The following CMKLR1 variants were observed in gnomAD, a reference collection of about 807,000 sequenced individuals.
The protein encoded by CMKLR1 is chemerin chemokine-like receptor 1, also known as chemerin-like receptor 1.
CMKLR1 carries 6 observed loss-of-function variants against 8.2 expected under a neutral mutation model. That is an observed-to-expected ratio of 0.73 (90% CI 0.40 to 1.44). CMKLR1 has a LOEUF of 1.44. CMKLR1 is among the 40% of genes most tolerant of loss of function. The pLI is 0.02. For missense variants in CMKLR1, 429 were observed against 478.0 expected (o/e 0.90, Z 0.96); for synonymous variants, 178 against 181.2 (o/e 0.98, Z 0.14).
chr12:108,332,080 G>T (rs1225081453), intron 1 of CMKLR1, among the ~76,000 whole-genome samples: 1 of 152,136 alleles, frequency 6.6e-6, no homozygotes, highest in Non-Finnish European at 1.5e-5. Context: ...CAAAGGATGG[G>T]CATTTGAGTG....
At chr12:108,297,300 T>C (rs1410214306) in intron 2 of CMKLR1, among the ~76,000 whole-genome samples, 1 of 152,214 alleles carries the variant, frequency 6.6e-6, no homozygotes, top group Non-Finnish European at 1.5e-5. Context: ...TTCTCTAGCT[T>C]ACTTGATTGT....
chr12:108,332,276 T>C (rs1216277347), intron 1 of CMKLR1, among the ~76,000 whole-genome samples: 1 of 152,224 alleles, frequency 6.6e-6, no homozygotes, highest in African/African-American at 2.4e-5. Context: ...AAACATGCGG[T>C]GGCTCATGCC....
Position 108,292,962 on chromosome 12 carries a change from G to T in CMKLR1, c.4-3C>A, listed in dbSNP as rs1566017677. The T allele has an allele frequency of 1.9e-6, 3 of 1,600,398 alleles. No individual in the cohort carries two copies. The highest frequency in any genetic ancestry group is 1.7e-6 in the Non-Finnish European group (2 of 1,171,706). ...TTGTAATCTTCATCCTCCATTCTCT[G>T]CAAGAGAAGACAGGGACCATTAGAG... On this transcript the variant is annotated splice_region_variant and splice_polypyrimidine_tract_variant and intron_variant, in intron 3 of 3. Coordinates refer to ENST00000550402, the MANE Select transcript of CMKLR1 (RefSeq NM_001142343.2).
At position 108,292,076 on chromosome 12, in the gene CMKLR1, A is replaced by C. The variant is rs1890988626; in HGVS notation, c.887T>G (p.Leu296Arg). Residue 296 changes from leucine to arginine, a missense_variant, in exon 4 of 4, where the codon CTG becomes CGG. Physicochemically the swap from Leu to Arg is moderately radical, Grantham distance 102 (BLOSUM62 -2). Transcript: ENST00000550402. ...HTAMPGSVFSLGLPLATALAI... is the reference protein window; with the variant it reads ...HTAMPGSVFSRGLPLATALAI... ...AAGGGCAGTGGCCAGGGGCAAACCC[A>C]GGCTGAAGACAGAGCCAGGCATGGC... 1 of 1,614,114 alleles carries C rather than the reference A, an allele frequency of 6.2e-7. No individual in the cohort carries two copies. The highest frequency in any genetic ancestry group is 1.7e-5 in the Admixed American group (1 of 60,010).
chr12:108,317,921 C>A (rs1891771526), intron 2 of CMKLR1: 1 of 152,158 alleles, frequency 6.6e-6, no homozygotes, highest in Non-Finnish European at 1.5e-5. Context: ...GAAATACATT[C>A]TCTTTTCATT....
At chr12:108,310,838 G>A (rs934721424) in intron 2 of CMKLR1, among the ~76,000 whole-genome samples, 2 of 152,158 alleles carry the variant, frequency 1.3e-5, no homozygotes, top group African/African-American at 4.8e-5. Flanking sequence ...TTTCAGCAAG[G>A]CGGGTAGGCA....
chr12:108,301,928 T>G (rs1237510024), intron 2 of CMKLR1, among the ~76,000 whole-genome samples: 1 of 152,152 alleles, frequency 6.6e-6, no homozygotes, highest in Non-Finnish European at 1.5e-5. Context: ...CACAGGCATG[T>G]GTGCTCACAC....
intron 3 of CMKLR1, 146 bp from the exon 4 acceptor site, chr12:108,293,105 T>C: frequency 1.3e-6 from 1 of 753,196 alleles, no homozygotes; most frequent in East Asian, 2.7e-5. Flanking sequence ...CTATTTTATT[T>C]ATTGAACAAA....
intron 2 of CMKLR1, among the ~76,000 whole-genome samples, chr12:108,326,452 G>A (rs1395115910): frequency 6.6e-6 from 1 of 152,188 alleles, no homozygotes; most frequent in Non-Finnish European, 1.5e-5. Context: ...TTTCCAACTG[G>A]CCATCTGGAT....
intron 2 of CMKLR1, among the ~76,000 whole-genome samples, chr12:108,317,104 CA>C (rs1891754075): frequency 6.6e-6 from 1 of 152,148 alleles, no homozygotes; most frequent in African/African-American, 2.4e-5. Flanking sequence ...TACCCAGCCT[CA>C]ATGTCATTGG....
intron 1 of CMKLR1, among the ~76,000 whole-genome samples, chr12:108,333,227 T>C (rs1892147779): frequency 6.8e-6 from 1 of 147,894 alleles, no homozygotes; most frequent in African/African-American, 2.5e-5. Context: ...TGAGGACCCA[T>C]GTCCTATACC....
At chr12:108,307,689 CCTCTGCAAGAGG>C (rs1891444352) in intron 2 of CMKLR1, among the ~76,000 whole-genome samples, 1 of 152,220 alleles carries the variant, frequency 6.6e-6, no homozygotes, top group Non-Finnish European at 1.5e-5. Flanking sequence ...ATCCCTACAT[CCTCTGCAAGAGG>C]CTCTGCAAAG....
intron 2 of CMKLR1, among the ~76,000 whole-genome samples, chr12:108,302,123 G>A (rs1163972930): frequency 6.6e-6 from 1 of 152,182 alleles, no homozygotes; most frequent in African/African-American, 2.4e-5. Flanking sequence ...TTGACAGGAG[G>A]GAAACCCCCA....
intron 2 of CMKLR1, among the ~76,000 whole-genome samples, chr12:108,312,868 C>G (rs1364945124): frequency 6.6e-6 from 1 of 152,134 alleles, no homozygotes; most frequent in African/African-American, 2.4e-5. Flanking sequence ...CAAATCACCC[C>G]CCTCTGCACA....
At position 108,291,914 on chromosome 12, in the gene CMKLR1, T is replaced by C. The variant is rs200431477; in HGVS notation, c.1049A>G (p.His350Arg). The C allele has an allele frequency of 1.2e-5, 19 of 1,614,226 alleles. No individual in the cohort carries two copies. The highest frequency in any genetic ancestry group is 8.0e-5 in the African/African-American group (6 of 75,064). The stretch of plus-strand genomic sequence containing the variant: ...TGATGACATCTTGGTAAAGCTTCTA[T>C]GGCTGGGGTAGGAAGAGTGGCCTGT... Reference protein sequence around the residue: ...EDTGHSSYPSHRSFTKMSSMN... With the variant: ...EDTGHSSYPSRRSFTKMSSMN... Residue 350 changes from histidine (H) to arginine (R), a missense_variant, in exon 4 of 4, where the codon CAT (histidine) becomes CGT (arginine). His to Arg is a conservative substitution (Grantham distance 29). Transcript: ENST00000550402.
intron 2 of CMKLR1, among the ~76,000 whole-genome samples, chr12:108,313,419 A>G (rs1891635927): frequency 6.6e-6 from 1 of 152,198 alleles, no homozygotes; most frequent in South Asian, 2.1e-4. Flanking sequence ...TGCAGCTGAC[A>G]GCTTAAGCCT....
At chr12:108,325,899 T>TG (rs11398694) in intron 2 of CMKLR1, among the ~76,000 whole-genome samples, 57,318 of 151,796 alleles carry the variant, frequency 0.38, 11,232 homozygotes, top group Admixed American at 0.48. Flanking sequence ...CTGCAGAAAG[T>TG]GCAAGGACCC....
chr12:108,319,446 T>C (rs769812353), intron 2 of CMKLR1, among the ~76,000 whole-genome samples: 1 of 152,240 alleles, frequency 6.6e-6, no homozygotes, highest in Non-Finnish European at 1.5e-5. Flanking sequence ...GTACAGGTTC[T>C]GAAGCCAGAC....
chr12:108,302,151 A>C (rs1891293897), intron 2 of CMKLR1, among the ~76,000 whole-genome samples: 1 of 152,246 alleles, frequency 6.6e-6, no homozygotes, highest in African/African-American at 2.4e-5. Flanking sequence ...GCATATGACA[A>C]ATTGAAGATC....
Sources: gnomAD v4.1 joint callset for allele counts (sites outside exome capture counted in the v4.1 genomes callset) on GRCh38, gnomAD v4.1.1 for gene constraint, MANE v1.5 for transcripts, NCBI Gene and HGNC (gene_info 2026-07-23, HGNC 2026-07-21) for gene names.